TBC1D5: variants seen among roughly 807,000 people sequenced by gnomAD.
TBC1D5 encodes the protein TBC1 domain family member 5.
Under a neutral mutation model 100.3 loss-of-function variants are expected in TBC1D5, and 75 were observed. That is an observed-to-expected ratio of 0.75 (90% CI 0.62 to 0.91). TBC1D5 has a LOEUF of 0.91. Ranked by LOEUF, TBC1D5 falls within the 40% of genes least tolerant of loss-of-function variation. TBC1D5 has a pLI of 0.00. For synonymous variants in TBC1D5, 323 were observed against 325.6 expected (o/e 0.99, Z 0.09); for missense variants, 910 against 942.4 (o/e 0.97, Z 0.45).
intron 1 of TBC1D5, among the ~76,000 whole-genome samples, chr3:17,636,360 CA>C (rs1416264000): frequency 6.6e-6 from 1 of 151,962 alleles, no homozygotes; most frequent in African/African-American, 2.4e-5. Context: ...TGGGAGGGAC[CA>C]AAAGGTTAAA....
intron 3 of TBC1D5, among the ~76,000 whole-genome samples, chr3:17,459,645 C>T (rs942499276): frequency 1.1e-4 from 17 of 152,038 alleles, no homozygotes; most frequent in African/African-American, 4.1e-4. Flanking sequence ...CACTTCCAGT[C>T]CCAGCTACTC....
chr3:17,666,302 T>C (rs965725711), intron 1 of TBC1D5, among the ~76,000 whole-genome samples: 24 of 152,346 alleles, frequency 1.6e-4, no homozygotes, highest in African/African-American at 5.3e-4. Context: ...TGCAGTCTTA[T>C]GACCTTGGTC....
chr3:17,202,263 G>A (rs958183058), intron 18 of TBC1D5, among the ~76,000 whole-genome samples: 31 of 152,212 alleles, frequency 2.0e-4, no homozygotes, highest in African/African-American at 7.2e-4. Context: ...TGACAATTTA[G>A]GGTATCTGGT....
intron 2 of TBC1D5, among the ~76,000 whole-genome samples, chr3:17,530,489 A>G (rs1419890241): frequency 2.0e-5 from 3 of 152,292 alleles, no homozygotes; most frequent in African/African-American, 7.2e-5. Flanking sequence ...AAATACAGAA[A>G]GACTTAACCC....
chr3:17,568,051 GATA>G lies in TBC1D5; in HGVS notation c.-36+55795_-36+55797del, dbSNP rs2096604122. On this transcript the variant is annotated intron_variant, in intron 2 of 21. Transcript: ENST00000253692. ...CTCTTCAGAGAGCATCACAAGCTTT[GATA>G]ATAATGTTCTAGCAAGCATTTAGAA... Among the ~76,000 whole-genome samples the G allele has an allele frequency of 2.0e-5, 3 of 151,464 alleles. No homozygotes were observed. In the South Asian group the frequency reaches 6.2e-4, roughly 31 times the overall value.
chr3:17,331,003 C>T (rs979059942), intron 13 of TBC1D5, among the ~76,000 whole-genome samples: 1 of 152,084 alleles, frequency 6.6e-6, no homozygotes, highest in East Asian at 1.9e-4. Flanking sequence ...AGTCCAGGTC[C>T]CTGTCATTTG....
chr3:17,682,576 C>G (rs1488039216), intron 1 of TBC1D5, among the ~76,000 whole-genome samples: 2 of 151,356 alleles, frequency 1.3e-5, no homozygotes, highest in Non-Finnish European at 2.9e-5. Flanking sequence ...TAAACATACA[C>G]TTTACAAGAC....
chr3:17,353,163 T>G (rs1164376850), intron 13 of TBC1D5, among the ~76,000 whole-genome samples: 1 of 152,054 alleles, frequency 6.6e-6, no homozygotes, highest in East Asian at 1.9e-4. Flanking sequence ...AGACTTGGTA[T>G]TACAATGAAT....
intron 1 of TBC1D5, among the ~76,000 whole-genome samples, chr3:17,701,456 C>T (rs2073188208): frequency 6.6e-6 from 1 of 151,848 alleles, no homozygotes; most frequent in Admixed American, 6.6e-5. Flanking sequence ...GCACATGTAC[C>T]CTAGAACTTA....
chr3:17,333,676 A>G (rs1345993614), intron 13 of TBC1D5, among the ~76,000 whole-genome samples: 3 of 152,104 alleles, frequency 2.0e-5, no homozygotes, highest in Non-Finnish European at 4.4e-5. Context: ...AGGAAGTTCT[A>G]TTCTCAGTGA....
intron 16 of TBC1D5, among the ~76,000 whole-genome samples, chr3:17,239,183 G>A (rs957905915): frequency 5.3e-5 from 8 of 152,096 alleles, no homozygotes; most frequent in African/African-American, 1.9e-4. Flanking sequence ...CCATTGTCTG[G>A]TACATCATAG....
In TBC1D5 at chr3:17,728,518, A is replaced by G. The variant is rs576568554; in HGVS notation, c.-101+10825T>C. Among the ~76,000 whole-genome samples the G allele has an allele frequency of 6.0e-4, 92 of 152,298 alleles. 2 individuals carry two copies. The highest frequency in any genetic ancestry group is 3.0e-3 in the Admixed American group (46 of 15,298). On this transcript the variant is annotated intron_variant, in intron 1 of 21. Transcript: ENST00000253692. ...TAAGAGCTACAGGAACTTGTTACTGATACATATAGAGACAAACGGCTCAAT... is the reference window on the plus strand; with the variant it reads ...TAAGAGCTACAGGAACTTGTTACTGGTACATATAGAGACAAACGGCTCAAT...
At chr3:17,414,086 C>T (rs1290499959) in intron 4 of TBC1D5, among the ~76,000 whole-genome samples, 1 of 152,146 alleles carries the variant, frequency 6.6e-6, no homozygotes, top group Non-Finnish European at 1.5e-5. Flanking sequence ...GCAGACAGCT[C>T]TCAGAGATGA....
chr3:17,722,574 A>G (rs1048816411), intron 1 of TBC1D5, among the ~76,000 whole-genome samples: 2 of 152,218 alleles, frequency 1.3e-5, no homozygotes, highest in Non-Finnish European at 2.9e-5. Flanking sequence ...CTCAACCTGT[A>G]GTAACAATTT....
intron 9 of TBC1D5, among the ~76,000 whole-genome samples, chr3:17,381,660 T>C (rs2092949454): frequency 6.6e-6 from 1 of 152,020 alleles, no homozygotes; most frequent in Admixed American, 6.6e-5. Flanking sequence ...TCTACACTAA[T>C]AGATTTTTTC....
chr3:17,266,596 T>C (rs2149575686), intron 15 of TBC1D5, among the ~76,000 whole-genome samples: 1 of 152,226 alleles, frequency 6.6e-6, no homozygotes, highest in South Asian at 2.1e-4. Context: ...ACCTCAGATT[T>C]GGAAAATAAA....
At chr3:17,333,614 G>T (rs867992399) in intron 13 of TBC1D5, among the ~76,000 whole-genome samples, 17 of 152,282 alleles carry the variant, frequency 1.1e-4, no homozygotes, top group Admixed American at 2.6e-4. Flanking sequence ...GTCAGTCTTG[G>T]AAGGGAGCAG....
chr3:17,665,329 T>A (rs1386322248), intron 1 of TBC1D5, among the ~76,000 whole-genome samples: 2 of 152,224 alleles, frequency 1.3e-5, no homozygotes, highest in Non-Finnish European at 2.9e-5. Flanking sequence ...TTACTTTGAC[T>A]CAGTGTCTCG....
chr3:17,631,028 A>C (rs2063460365), intron 1 of TBC1D5, among the ~76,000 whole-genome samples: 1 of 142,482 alleles, frequency 7.0e-6, no homozygotes, highest in Non-Finnish European at 1.5e-5. Flanking sequence ...TGGACGACTG[A>C]GTGAGACTCC....
Sources: gnomAD v4.1 joint callset for allele counts (sites outside exome capture counted in the v4.1 genomes callset) on GRCh38, gnomAD v4.1.1 for gene constraint, MANE v1.5 for transcripts, NCBI Gene and HGNC (gene_info 2026-07-23, HGNC 2026-07-21) for gene names.